ROBO1: variants seen among roughly 807,000 people sequenced by gnomAD.
ROBO1 encodes the protein roundabout homolog 1.
A neutral mutation model predicts 195.9 loss-of-function variants in ROBO1; 149 were observed. That is an observed-to-expected ratio of 0.76 (90% CI 0.67 to 0.87). The LOEUF (loss-of-function observed/expected upper bound fraction) is 0.87, where lower values mean the gene tolerates loss of function less well. ROBO1 is among the 40% of genes least tolerant of loss of function. The pLI, the probability that ROBO1 is intolerant of heterozygous loss-of-function variation, is 0.00. For synonymous variants in ROBO1, 816 were observed against 733.2 expected (o/e 1.11, Z -1.82); for missense variants, 1,933 against 2,068.3 (o/e 0.93, Z 1.27).
chr3:78,938,803 A>C lies in ROBO1; in HGVS notation c.297T>G (p.Ile99Met), dbSNP rs1434254996. The part of the protein sequence containing the change: ...CKAEGRPTPT[I>M]EWYKGGERVE... ...CTCTCTCTCCCCCTTTGTACCATTC[A>C]ATAGTGGGTGTGGGGCGGCCTTCAG... is the stretch of plus-strand genomic sequence containing the variant. Residue 99 changes from isoleucine (I) to methionine (M), a missense_variant, in exon 4 of 31, where the codon ATT becomes ATG. Physicochemically the swap from Ile to Met is conservative, Grantham distance 10. Coordinates refer to ENST00000464233, the MANE Select transcript of ROBO1 (RefSeq NM_002941.4). 6.8e-6 allele frequency: 11 copies of C among 1,613,952 alleles called. No individual in the cohort carries two copies. Among genetic ancestry groups the C allele is most frequent in the South Asian group, 5.5e-5 (5 of 91,082 alleles).
chr3:79,455,963 G>A (rs1342657708), intron 2 of ROBO1, among the ~76,000 whole-genome samples: 1 of 152,024 alleles, frequency 6.6e-6, no homozygotes, highest in East Asian at 1.9e-4. Flanking sequence ...TTACCTTTCT[G>A]TCTTTTCTAT....
At chr3:79,351,474 T>A (rs1234832398) in intron 2 of ROBO1, among the ~76,000 whole-genome samples, 1 of 152,170 alleles carries the variant, frequency 6.6e-6, no homozygotes, top group South Asian at 2.1e-4. Context: ...ATTAGCAAAG[T>A]CATTTTTTTT....
At position 79,412,874 on chromosome 3, in the gene ROBO1, A is replaced by ATTTTTTTTTT. The variant is rs1167482550; in HGVS notation, c.88+176940_88+176949dup. Among the ~76,000 whole-genome samples, 120 of 38,346 alleles carry ATTTTTTTTTT rather than the reference A, an allele frequency of 3.1e-3. 17 individuals carry two copies. Among genetic ancestry groups the ATTTTTTTTTT allele is most frequent in the Middle Eastern group, 0.02 (1 of 50 alleles). The allele number at this position is 38,346 out of a possible 152,430, so 25.2% of individuals were successfully genotyped here. A position where few individuals can be genotyped will look rare whatever the true frequency, so the allele number is the denominator to read the frequency against. On this transcript the variant is annotated intron_variant, in intron 2 of 30. Coordinates refer to ENST00000464233, the MANE Select transcript of ROBO1 (RefSeq NM_002941.4). ...AATGATTTTATTGCCTCATGAGCTG[A>ATTTTTTTTTT]TTTTTTTTTTTTTTTTTTTTTTTTT...
intron 3 of ROBO1, among the ~76,000 whole-genome samples, chr3:78,992,218 C>G (rs985757719): frequency 5.9e-5 from 9 of 152,240 alleles, no homozygotes; most frequent in African/African-American, 1.4e-4. Flanking sequence ...CATGGCTACC[C>G]AACATGTTTC....
chr3:79,553,344 T>C (rs1396709200), intron 2 of ROBO1, among the ~76,000 whole-genome samples: 1 of 152,058 alleles, frequency 6.6e-6, no homozygotes, highest in Admixed American at 6.6e-5. Context: ...TGATCAGATT[T>C]CTGACTCTAT....
At chr3:78,904,142 A>G (rs2037754571) in intron 4 of ROBO1, among the ~76,000 whole-genome samples, 1 of 151,544 alleles carries the variant, frequency 6.6e-6, no homozygotes, top group South Asian at 2.1e-4. Context: ...ATATACATAT[A>G]TATACAATAT....
At chr3:78,860,328 T>TATATATATA (rs1559934346) in intron 4 of ROBO1, among the ~76,000 whole-genome samples, 1 of 31,258 alleles carries the variant, frequency 3.2e-5, no homozygotes, top group South Asian at 1.1e-3. Context: ...ATATATATAT[T>TATATATATA]TTTTTTTTTT....
At chr3:79,326,361 G>A (rs1273212353) in intron 2 of ROBO1, among the ~76,000 whole-genome samples, 1 of 152,086 alleles carries the variant, frequency 6.6e-6, no homozygotes, top group Admixed American at 6.6e-5. Flanking sequence ...AGCTTGTGGG[G>A]CATCACGGAA....
Position 78,617,853 on chromosome 3 carries a change from G to A in ROBO1, c.4064C>T (p.Pro1355Leu). The A allele has an allele frequency of 2.5e-6, 4 of 1,613,994 alleles. No individual in the cohort carries two copies. Among genetic ancestry groups the A allele is most frequent in the Non-Finnish European group, 3.4e-6 (4 of 1,179,896 alleles). The change falls in exon 27 of 31, where the codon CCT becomes CTT. Residue 1355 changes from proline (P) to leucine (L), a missense_variant. Physicochemically the swap from Pro to Leu is moderately conservative, Grantham distance 98. This residue lies in a region of ROBO1 where 1,737 missense variants were observed against 1,882.5 expected (regional missense o/e 0.92). Coordinates refer to ENST00000464233, the MANE Select transcript of ROBO1 (RefSeq NM_002941.4). ...RLLLRGLEQT[P>L]ASSVGDLESS... ...CTCCAGGTCCCCAACACTGGAGGCA[G>A]GTGTCTGCTCAAGCCCACGTAACAA...
chr3:78,692,030 T>G (rs908143914), intron 8 of ROBO1, among the ~76,000 whole-genome samples: 1 of 151,400 alleles, frequency 6.6e-6, no homozygotes, highest in South Asian at 2.1e-4. Context: ...AATAAAATTA[T>G]ATAATATAGA....
At chr3:78,638,189 ATATG>A (rs1259321699) in intron 22 of ROBO1, among the ~76,000 whole-genome samples, 5 of 151,422 alleles carry the variant, frequency 3.3e-5, no homozygotes, top group South Asian at 2.1e-4. Context: ...GTGTGTATAT[ATATG>A]TGTGTATGTG....
chr3:79,508,536 T>A (rs1293412831), intron 2 of ROBO1, among the ~76,000 whole-genome samples: 1 of 152,210 alleles, frequency 6.6e-6, no homozygotes. Context: ...CTCAATAGAA[T>A]GCAAGCAATT....
At chr3:79,467,912 G>A (rs1201657093) in intron 2 of ROBO1, among the ~76,000 whole-genome samples, 1 of 152,168 alleles carries the variant, frequency 6.6e-6, no homozygotes, top group Non-Finnish European at 1.5e-5. Flanking sequence ...AAAAACAGAT[G>A]AACAGATGAG....
chr3:79,019,789 C>A (rs368743979), intron 3 of ROBO1, among the ~76,000 whole-genome samples: 2 of 152,228 alleles, frequency 1.3e-5, no homozygotes, highest in South Asian at 2.1e-4. Context: ...TCCAACTTAA[C>A]CTCTTCCTTG....
intron 16 of ROBO1, chr3:78,660,262 C>T (rs1472376449): frequency 6.5e-6 from 1 of 154,048 alleles, no homozygotes; most frequent in African/African-American, 2.4e-5. Flanking sequence ...TCTGAATAGT[C>T]CCAAACTACC....
intron 2 of ROBO1, among the ~76,000 whole-genome samples, chr3:79,271,405 A>G (rs954430434): frequency 5.9e-5 from 9 of 152,124 alleles, no homozygotes; most frequent in Middle Eastern, 6.8e-3. Flanking sequence ...AGAATTGACC[A>G]AACCAATAGT....
At chr3:79,519,456 C>G (rs980003170) in intron 2 of ROBO1, among the ~76,000 whole-genome samples, 2 of 151,434 alleles carry the variant, frequency 1.3e-5, no homozygotes, top group African/African-American at 4.9e-5. Context: ...TGGAGAAACC[C>G]CATCTCTACT....
At chr3:78,617,592 T>C (rs1559651168) in intron 27 of ROBO1, 43 bp downstream of exon 27, 9 of 1,550,590 alleles carry the variant, frequency 5.8e-6, no homozygotes, top group Non-Finnish European at 4.4e-6. Context: ...CATATATACA[T>C]TGAGTTTTCT....
At chr3:79,080,706 G>A (rs1430756014) in intron 3 of ROBO1, among the ~76,000 whole-genome samples, 3 of 152,014 alleles carry the variant, frequency 2.0e-5, no homozygotes, top group African/African-American at 7.2e-5. Context: ...GGTCATGGCC[G>A]CTCTAATTCA....
Sources: gnomAD v4.1 joint callset for allele counts (sites outside exome capture counted in the v4.1 genomes callset) on GRCh38, gnomAD v4.1.1 for gene constraint, gnomAD v4.1.1 regional missense constraint, MANE v1.5 for transcripts, NCBI Gene and HGNC (gene_info 2026-07-23, HGNC 2026-07-21) for gene names.